ZFAND3: variants seen among roughly 807,000 people sequenced by gnomAD.
The protein encoded by ZFAND3 is zinc finger AN1-type containing 3, also known as AN1-type zinc finger protein 3.
Under a neutral mutation model 29.6 loss-of-function variants are expected in ZFAND3, and 10 were observed. The observed-to-expected ratio is 0.34, with a 90% CI of 0.21 to 0.57. The LOEUF is 0.57. Ranked by LOEUF, ZFAND3 falls within the 20% of genes least tolerant of loss-of-function variation. ZFAND3 has a pLI of 0.86. For synonymous variants in ZFAND3, 128 were observed against 112.6 expected, an observed-to-expected ratio of 1.14 and a Z score of -0.87; for missense variants, 230 against 304.5, an observed-to-expected ratio of 0.76 and a Z score of 1.82.
At chr6:37,943,535 A>G (rs1057509610) in intron 2 of ZFAND3, among the ~76,000 whole-genome samples, 1 of 152,154 alleles carries the variant, frequency 6.6e-6, no homozygotes, top group African/African-American at 2.4e-5. Flanking sequence ...TGAAGCACAA[A>G]TTAATGTCAG....
In ZFAND3 at chr6:37,994,093, A is replaced by G. The variant is rs544736296; in HGVS notation, c.112+64094A>G. On this transcript the variant is annotated intron_variant, in intron 2 of 5. Transcript: ENST00000287218. ...ACTAGAATTATGTGTCTGTAGTTCA[A>G]AGAACAAGTTCATGGAGTGTGTGTC... is the stretch of plus-strand genomic sequence containing the variant. Among the ~76,000 whole-genome samples, 5 of 147,798 alleles carry G rather than the reference A, an allele frequency of 3.4e-5. No individual in the cohort carries two copies. The South Asian group carries it at 6.8e-4, about 20-fold the overall frequency.
At chr6:38,092,809 T>C (rs890802693) in intron 4 of ZFAND3, among the ~76,000 whole-genome samples, 1 of 152,240 alleles carries the variant, frequency 6.6e-6, no homozygotes, top group Admixed American at 6.5e-5. Flanking sequence ...AGAATACTTT[T>C]TGGAAAGGGC....
At chr6:38,097,145 C>T (rs766164107) in intron 4 of ZFAND3, among the ~76,000 whole-genome samples, 16 of 152,052 alleles carry the variant, frequency 1.1e-4, no homozygotes, top group Admixed American at 2.0e-4. Context: ...GCGTGATCAC[C>T]GCTCACTGCA....
Position 38,061,494 on chromosome 6 carries a change from T to C in ZFAND3, c.113-99T>C. 2.9e-6 allele frequency: 4 copies of C among 1,384,994 alleles called. No homozygotes were observed. In the Middle Eastern group the frequency reaches 7.4e-4, roughly 255 times the overall value. 85.8% of individuals were successfully genotyped at this position (1,384,994 alleles called of 1,614,324 possible). A position where few individuals can be genotyped will look rare whatever the true frequency, so the allele number is the denominator to read the frequency against. On this transcript the variant is annotated intron_variant, in intron 2 of 5. Transcript: ENST00000287218. Reference sequence around the variant, plus strand: ...AGTCACCCAGATCAGTCTTTATTATTGGTGTTGTTGCATTTAATTTTTGTA... The same window carrying C: ...AGTCACCCAGATCAGTCTTTATTATCGGTGTTGTTGCATTTAATTTTTGTA...
chr6:37,995,309 C>G (rs1396651504), intron 2 of ZFAND3, among the ~76,000 whole-genome samples: 1 of 152,112 alleles, frequency 6.6e-6, no homozygotes, highest in African/African-American at 2.4e-5. Flanking sequence ...TAGGGGCAAG[C>G]ATTTTAGAAG....
rs533099891 is a variant in ZFAND3, at chr6:37,892,167, G to T, written c.72-37792G>T. 2.1e-4 allele frequency among the ~76,000 whole-genome samples: 32 copies of T among 152,294 alleles called. 1 individual carries two copies. The highest frequency in any genetic ancestry group is 7.5e-4 in the African/African-American group (31 of 41,572). ...TCTCTGACCATATGGGATGAAATTAGAAATCAATAGCAGAAAGAAATTTGG... is the reference window on the plus strand; with the variant it reads ...TCTCTGACCATATGGGATGAAATTATAAATCAATAGCAGAAAGAAATTTGG... On this transcript the variant is annotated intron_variant, in intron 1 of 5. Transcript: ENST00000287218.
intron 2 of ZFAND3, among the ~76,000 whole-genome samples, chr6:37,943,627 A>G (rs1761850177): frequency 6.6e-6 from 1 of 152,116 alleles, no homozygotes; most frequent in Non-Finnish European, 1.5e-5. Context: ...TTTCTCCTAT[A>G]CCTGTTACTC....
intron 1 of ZFAND3, among the ~76,000 whole-genome samples, chr6:37,830,199 G>C (rs1411296696): frequency 2.6e-5 from 4 of 152,264 alleles, no homozygotes; most frequent in Non-Finnish European, 4.4e-5. Context: ...TGTGTAATTT[G>C]GAGGTGAGTT....
intron 2 of ZFAND3, among the ~76,000 whole-genome samples, chr6:37,936,336 G>A (rs1761698081): frequency 6.6e-6 from 1 of 152,190 alleles, no homozygotes; most frequent in African/African-American, 2.4e-5. Flanking sequence ...CTAGAAAGTA[G>A]CTATAACCTG....
At chr6:37,862,954 C>T (rs1764521138) in intron 1 of ZFAND3, among the ~76,000 whole-genome samples, 1 of 151,724 alleles carries the variant, frequency 6.6e-6, no homozygotes, top group Non-Finnish European at 1.5e-5. Flanking sequence ...CTAAAAATCC[C>T]CTATTTCTTA....
In ZFAND3 at chr6:37,957,338, ACT is replaced by A. The variant is rs113067224; in HGVS notation, c.112+27342_112+27343del. The stretch of plus-strand genomic sequence containing the variant: ...TTTTTTTTTTTCATTGAATTCCAAG[ACT>A]CTTTTTGTTGATTGTGTAACCTTGG... On this transcript the variant is annotated intron_variant, in intron 2 of 5. Transcript: ENST00000287218. Among the ~76,000 whole-genome samples the A allele has an allele frequency of 5.0e-4, 71 of 142,246 alleles. 1 individual carries two copies. The highest frequency in any genetic ancestry group is 1.0e-3 in the African/African-American group (39 of 37,980). 93.3% of individuals were successfully genotyped at this position (142,246 alleles called of 152,430 possible). A position where few individuals can be genotyped will look rare whatever the true frequency, so the allele number is the denominator to read the frequency against.
chr6:37,959,057 C>CT (rs2127423868), intron 2 of ZFAND3, among the ~76,000 whole-genome samples: 1 of 152,318 alleles, frequency 6.6e-6, no homozygotes, highest in African/African-American at 2.4e-5. Flanking sequence ...AATGAAAGAG[C>CT]TAAGTCCTTG....
Position 38,091,234 on chromosome 6 carries a change from G to A in ZFAND3, c.361+8777G>A, listed in dbSNP as rs112954109. On this transcript the variant is annotated intron_variant, in intron 4 of 5. Coordinates refer to ENST00000287218, the MANE Select transcript of ZFAND3 (RefSeq NM_021943.3). ...TCCAGGCTTTGCTGTTGAGCTTTTC[G>A]TGATTCACATGCTTTGCACAAAGTC... Among the ~76,000 whole-genome samples the A allele has an allele frequency of 4.2e-4, 64 of 152,086 alleles. 1 individual carries two copies. Among genetic ancestry groups the A allele is most frequent in the African/African-American group, 8.0e-4 (33 of 41,496 alleles).
chr6:38,088,874 G>A (rs1246416482), intron 4 of ZFAND3, among the ~76,000 whole-genome samples: 1 of 152,192 alleles, frequency 6.6e-6, no homozygotes, highest in Non-Finnish European at 1.5e-5. Context: ...TAAAGCAGAT[G>A]AGACTAAGAA....
chr6:38,011,001 C>T (rs1481825466), intron 2 of ZFAND3, among the ~76,000 whole-genome samples: 1 of 151,406 alleles, frequency 6.6e-6, no homozygotes, highest in Non-Finnish European at 1.5e-5. Context: ...ACCTCAGCGT[C>T]TCAAGTAGCT....
chr6:38,084,406 G>A (rs1764720324), intron 4 of ZFAND3, among the ~76,000 whole-genome samples: 1 of 152,078 alleles, frequency 6.6e-6, no homozygotes, highest in African/African-American at 2.4e-5. Flanking sequence ...CTCAGGTTTG[G>A]TGTAAGAAAA....
intron 4 of ZFAND3, among the ~76,000 whole-genome samples, chr6:38,098,033 CT>C: frequency 6.6e-6 from 1 of 152,202 alleles, no homozygotes; most frequent in East Asian, 1.9e-4. Context: ...ATCAGACTTC[CT>C]TTTTTGTTGT....
intron 2 of ZFAND3, among the ~76,000 whole-genome samples, chr6:38,004,534 T>TACACACACACACAC (rs56068930): frequency 6.8e-5 from 10 of 147,454 alleles, no homozygotes; most frequent in African/African-American, 2.5e-4. Flanking sequence ...TAAAGCTGTC[T>TACACACACACACAC]ACACACACAC....
At chr6:37,900,133 T>G (rs1285771283) in intron 1 of ZFAND3, among the ~76,000 whole-genome samples, 1 of 152,218 alleles carries the variant, frequency 6.6e-6, no homozygotes, top group Non-Finnish European at 1.5e-5. Flanking sequence ...ATTACCAATC[T>G]TGTTTTAACT....
Sources: allele counts gnomAD v4.1 joint callset (sites outside exome capture counted in the v4.1 genomes callset), GRCh38; gene constraint gnomAD v4.1.1; transcripts MANE v1.5; gene names NCBI Gene and HGNC (gene_info 2026-07-23, HGNC 2026-07-21).